Variants in VCAN observed in about 807,000 individuals in gnomAD.
The protein encoded by VCAN is versican.
In VCAN, 44 loss-of-function variants were observed where a neutral mutation model predicts 245.5. The observed-to-expected ratio is 0.18, with a 90% CI of 0.14 to 0.23. VCAN has a LOEUF of 0.23. VCAN is among the 10% of genes least tolerant of loss of function. VCAN has a pLI of 1.00. For synonymous variants in VCAN, 1,413 were observed against 1,437.0 expected, an observed-to-expected ratio of 0.98 and a Z score of 0.38; for missense variants, 3,793 against 4,057.9, an observed-to-expected ratio of 0.93 and a Z score of 1.77.
chr5:83,527,696 A>G (rs142275771), intron 7 of VCAN, among the ~76,000 whole-genome samples: 42 of 152,296 alleles, frequency 2.8e-4, no homozygotes, highest in African/African-American at 9.1e-4. Flanking sequence ...GAATCTCAAT[A>G]TTTTAACACT....
chr5:83,510,959 C>T (rs1745633798), intron 5 of VCAN, among the ~76,000 whole-genome samples: 1 of 152,002 alleles, frequency 6.6e-6, no homozygotes, highest in Admixed American at 6.6e-5. Flanking sequence ...ACTAAAAATA[C>T]AAAAATTAGC....
chr5:83,477,819 A>G (rs1744448058), intron 1 of VCAN, among the ~76,000 whole-genome samples: 1 of 151,956 alleles, frequency 6.6e-6, no homozygotes, highest in Non-Finnish European at 1.5e-5. Flanking sequence ...AGAAAGAGAC[A>G]TAGAGTTTTA....
Position 83,542,379 on chromosome 5 carries a change from A to G in VCAN, c.9265+111A>G. 3.4e-6 allele frequency: 4 copies of G among 1,189,516 alleles called. No individual in the cohort carries two copies. The South Asian group carries it at 3.8e-5, about 11-fold the overall frequency. 73.7% of individuals were successfully genotyped at this position (1,189,516 alleles called of 1,614,324 possible). A position where few individuals can be genotyped will look rare whatever the true frequency, so the allele number is the denominator to read the frequency against. On this transcript the variant is annotated intron_variant, in intron 8 of 14. Coordinates refer to ENST00000265077, the MANE Select transcript of VCAN (RefSeq NM_004385.5). ...TGATGTTAAATCAATGGAGAGTTTC[A>G]TATTATTCACATAACAGCAGGCCAG...
At chr5:83,531,585 A>G (rs183676940) in intron 7 of VCAN, among the ~76,000 whole-genome samples, 316 of 152,330 alleles carry the variant, frequency 2.1e-3, no homozygotes, top group Non-Finnish European at 3.5e-3. Context: ...ATTTTAAAAA[A>G]GAAATGTGAT....
At chr5:83,478,738 G>C (rs1195919176) in intron 1 of VCAN, among the ~76,000 whole-genome samples, 2 of 152,126 alleles carry the variant, frequency 1.3e-5, no homozygotes, top group Non-Finnish European at 2.9e-5. Flanking sequence ...TATGTAAAAT[G>C]GGTGTATATT....
intron 7 of VCAN, 144 bp downstream of exon 7, chr5:83,522,453 A>G: frequency 1.2e-6 from 1 of 858,622 alleles, no homozygotes; most frequent in Non-Finnish European, 1.8e-6. Context: ...AGCTTCATAT[A>G]TTTGTACAAG....
chr5:83,483,637 G>T, intron 2 of VCAN, 49 bp downstream of exon 2: 1 of 1,536,352 alleles, frequency 6.5e-7, no homozygotes, highest in Non-Finnish European at 9.0e-7. Context: ...AAAAATGTAA[G>T]TGCTGGAGGA....
Position 83,541,319 on chromosome 5 carries a change from A to G in VCAN, c.8316A>G (p.Ala2772=). The part of the protein sequence containing the change: ...QPEFSSGAEE[A]LVDHTPYLSI... The stretch of plus-strand genomic sequence containing the variant: ...AATTCTCTTCAGGAGCTGAGGAGGC[A>G]TTAGTAGACCATACTCCCTATCTAA... The change falls in exon 8 of 15, where the codon GCA becomes GCG. Residue 2772 remains alanine (A), a synonymous_variant. Transcript: ENST00000265077. 6.2e-7 allele frequency: 1 copy of G among 1,614,092 alleles called. No individual in the cohort carries two copies. Among genetic ancestry groups the G allele is most frequent in the Non-Finnish European group, 8.5e-7 (1 of 1,179,996 alleles).
chr5:83,479,630 T>A (rs1421891580), intron 1 of VCAN, among the ~76,000 whole-genome samples: 2 of 152,128 alleles, frequency 1.3e-5, no homozygotes, highest in Non-Finnish European at 2.9e-5. Context: ...AGTGGAAGAA[T>A]GGAAATAGGG....
intron 13 of VCAN, among the ~76,000 whole-genome samples, chr5:83,574,587 C>G (rs978453873): frequency 6.6e-6 from 1 of 152,058 alleles, no homozygotes; most frequent in Non-Finnish European, 1.5e-5. Flanking sequence ...ATTTTAACCT[C>G]TAGGGATTTT....
At chr5:83,566,117 T>G (rs937482323) in intron 12 of VCAN, among the ~76,000 whole-genome samples, 1 of 151,878 alleles carries the variant, frequency 6.6e-6, no homozygotes, top group African/African-American at 2.4e-5. Context: ...CCACCATGCC[T>G]GGCCAATTTT....
At chr5:83,557,946 C>T (rs1310947722) in intron 12 of VCAN, among the ~76,000 whole-genome samples, 1 of 152,140 alleles carries the variant, frequency 6.6e-6, no homozygotes, top group Non-Finnish European at 1.5e-5. Flanking sequence ...CCAGAAAAAA[C>T]TCTGACAGAC....
chr5:83,556,779 A>G (rs765974775), intron 12 of VCAN, among the ~76,000 whole-genome samples: 3 of 152,178 alleles, frequency 2.0e-5, no homozygotes, highest in Non-Finnish European at 4.4e-5. Flanking sequence ...TTTAATTTCT[A>G]AGTGAACATA....
chr5:83,578,989 T>C (rs138388754), intron 13 of VCAN, among the ~76,000 whole-genome samples: 249 of 152,298 alleles, frequency 1.6e-3, no homozygotes, highest in East Asian at 1.9e-3. Context: ...AAATTTTTCA[T>C]TGTAAATTTA....
At chr5:83,501,236 C>T (rs555341934) in intron 5 of VCAN, among the ~76,000 whole-genome samples, 124 of 152,234 alleles carry the variant, frequency 8.1e-4, no homozygotes, top group Non-Finnish European at 1.3e-3. Flanking sequence ...CAAATAGTTT[C>T]TCCCATTCAG....
intron 13 of VCAN, among the ~76,000 whole-genome samples, chr5:83,579,452 A>G (rs1418341131): frequency 6.6e-6 from 1 of 152,052 alleles, no homozygotes; most frequent in Non-Finnish European, 1.5e-5. Context: ...TTTAGTAGAA[A>G]CAGGGTTTCA....
intron 10 of VCAN, among the ~76,000 whole-genome samples, 176 bp downstream of exon 10, chr5:83,548,260 A>G (rs1158253943): frequency 6.6e-6 from 1 of 152,138 alleles, no homozygotes; most frequent in Admixed American, 6.5e-5. Context: ...TGTTTAGCTG[A>G]TAGATTGGAA....
At chr5:83,573,730 A>C in intron 13 of VCAN, among the ~76,000 whole-genome samples, 1 of 152,226 alleles carries the variant, frequency 6.6e-6, no homozygotes, top group Non-Finnish European at 1.5e-5. Flanking sequence ...AAAAACCAAA[A>C]TGTATGAATG....
rs762147174 is a variant in VCAN at position 83,555,015 on chromosome 5, C to T, written c.9712C>T (p.Arg3238Cys). 5.6e-6 allele frequency: 9 copies of T among 1,613,508 alleles called. No homozygotes were observed. The highest frequency in any genetic ancestry group is 1.1e-5 in the South Asian group (1 of 91,068). ...LNDKMFEHDF[R>C]WTDGSTLQYE... is the part of the protein sequence containing the mutation. ...TGACAAGATGTTTGAGCATGACTTC[C>T]GTTGGACTGATGGCAGCACACTGGT... The change falls in exon 12 of 15, where the codon CGT becomes TGT. Residue 3238 changes from arginine to cysteine, a missense_variant. Physicochemically the swap from Arg to Cys is radical, Grantham distance 180. Transcript: ENST00000265077.
Sources: gnomAD v4.1 joint callset for allele counts (sites outside exome capture counted in the v4.1 genomes callset) on GRCh38, gnomAD v4.1.1 for gene constraint, MANE v1.5 for transcripts, NCBI Gene and HGNC (gene_info 2026-07-23, HGNC 2026-07-21) for gene names.